Variants in PNPLA4 observed in about 807,000 individuals in gnomAD.
PNPLA4 encodes patatin like domain 4, phospholipase and triacylglycerol lipase, also known as patatin-like phospholipase domain-containing protein 4.
PNPLA4 carries 15 observed loss-of-function variants against 18.3 expected under a neutral mutation model. That is an observed-to-expected ratio of 0.82 (90% CI 0.55 to 1.26). The LOEUF is 1.26. PNPLA4 is among the 50% of genes most tolerant of loss of function. The pLI, the probability that PNPLA4 is intolerant of heterozygous loss-of-function variation, is 0.00. For missense variants in PNPLA4, 229 were observed against 196.8 expected (o/e 1.16, Z -0.98); for synonymous variants, 88 against 85.6 (o/e 1.03, Z -0.16).
chrX:7,903,274 GTTTATTTATTTA>G (rs55848008), intron 5 of PNPLA4, among the ~76,000 whole-genome samples: 372 of 93,026 alleles, frequency 4.0e-3, no homozygotes, highest in Admixed American at 5.7e-3. Context: ...TCCTTCTTGT[GTTTATTTATTTA>G]TTTATTTATT....
At chrX:7,902,745 C>A (rs1178648764) in intron 5 of PNPLA4, among the ~76,000 whole-genome samples, 1 of 111,360 alleles carries the variant, frequency 9.0e-6, no homozygotes, top group Non-Finnish European at 1.9e-5. Context: ...AGAAGCCTCC[C>A]AAGGAAGAAA....
chrX:7,923,225 C>T (rs1924289266), intron 2 of PNPLA4, among the ~76,000 whole-genome samples: 1 of 111,769 alleles, frequency 8.9e-6, no homozygotes, highest in African/African-American at 3.3e-5. Flanking sequence ...GGAGATAATC[C>T]TGGATGACCT....
chrX:7,908,017 G>A (rs1266650457), intron 5 of PNPLA4, among the ~76,000 whole-genome samples: 2 of 110,884 alleles, frequency 1.8e-5, no homozygotes, highest in Admixed American at 9.6e-5. Flanking sequence ...ACTCATACTG[G>A]TATTTGCTGT....
chrX:7,903,359 G>C (rs1923604379), intron 5 of PNPLA4, among the ~76,000 whole-genome samples: 1 of 109,757 alleles, frequency 9.1e-6, no homozygotes, highest in African/African-American at 3.3e-5. Context: ...GAGTGCAGTG[G>C]TGTGATCTCA....
intron 6 of PNPLA4, among the ~76,000 whole-genome samples, chrX:7,901,642 G>A (rs1210516581): frequency 1.8e-5 from 2 of 111,372 alleles, no homozygotes; most frequent in Non-Finnish European, 3.8e-5. Context: ...TAAAAAAGAA[G>A]TGAAGAAAAA....
rs773485903 is a variant in PNPLA4, at chrX:7,921,970, T to C, written c.275+34A>G. 9 of 1,148,799 alleles carry C rather than the reference T, an allele frequency of 7.8e-6. No individual in the cohort carries two copies. In the Admixed American group the frequency reaches 2.0e-4, roughly 25 times the overall value. 94.7% of individuals were successfully genotyped at this position (1,148,799 alleles called of 1,213,427 possible). A position where few individuals can be genotyped will look rare whatever the true frequency, so the allele number is the denominator to read the frequency against. ...ACAGAGAGTCGTCAACATTCTGTCTTCATGTACTTTTGGGCAAAATGTACT... is the reference window on the plus strand; with the variant it reads ...ACAGAGAGTCGTCAACATTCTGTCTCCATGTACTTTTGGGCAAAATGTACT... On this transcript the variant is annotated intron_variant, in intron 3 of 6. Coordinates refer to ENST00000381042, the MANE Select transcript of PNPLA4 (RefSeq NM_004650.3).
chrX:7,913,177 T>C (rs777153727), intron 4 of PNPLA4, among the ~76,000 whole-genome samples: 1 of 112,091 alleles, frequency 8.9e-6, no homozygotes, highest in African/African-American at 3.2e-5. Context: ...CTTCCATAGC[T>C]TTCTTATGCA....
chrX:7,902,071 G>T lies in PNPLA4; in HGVS notation c.548C>A (p.Pro183His), dbSNP rs377193811. The T allele has an allele frequency of 1.6e-4, 193 of 1,207,024 alleles. No homozygotes were observed. Among genetic ancestry groups the T allele is most frequent in the Non-Finnish European group, 2.1e-4 (191 of 893,485 alleles). Reference sequence around the variant, plus strand: ...GGAGATGTCCAGTCGTCCACTGAAGGGGGAGATGGTTACTGTCCGGCCGAC... The same window carrying T: ...GGAGATGTCCAGTCGTCCACTGAAGTGGGAGATGGTTACTGTCCGGCCGAC... ...LPVGRTVTIS[P>H]FSGRLDISPQ... is the part of the protein sequence containing the mutation. Residue 183 changes from proline (P) to histidine (H), a missense_variant, in exon 6 of 7, where the codon CCC (proline) becomes CAC (histidine). Pro to His is a moderately conservative substitution (Grantham distance 77, BLOSUM62 -2). Transcript: ENST00000381042.
At chrX:7,903,270 T>TTGTG (rs1229046724) in intron 5 of PNPLA4, among the ~76,000 whole-genome samples, 3 of 84,410 alleles carry the variant, frequency 3.6e-5, no homozygotes, top group African/African-American at 1.3e-4. Flanking sequence ...CATGTCCTTC[T>TTGTG]TGTGTTTATT....
In PNPLA4 at chrX:7,902,091, G is replaced by A; in HGVS notation, c.528C>T (p.Gly176=). ...LTNALPILPV[G]RTVTISPFSG... The stretch of plus-strand genomic sequence containing the variant: ...TGAAGGGGGAGATGGTTACTGTCCG[G>A]CCGACGGGCAGGATGGGAAGAGCGT... The change falls in exon 6 of 7, where the codon GGC becomes GGT. Residue 176 remains glycine (G), a synonymous_variant. Coordinates refer to ENST00000381042, the MANE Select transcript of PNPLA4 (RefSeq NM_004650.3). The A allele has an allele frequency of 8.3e-7, 1 of 1,208,450 alleles. No individual in the cohort carries two copies. The highest frequency in any genetic ancestry group is 1.1e-6 in the Non-Finnish European group (1 of 893,766).
rs965481673 is a variant in PNPLA4 at position 7,899,665 on chromosome X, G to A, written c.*1021C>T. The A allele has an allele frequency of 1.8e-4, 19 of 103,279 alleles. No individual in the cohort carries two copies. The highest frequency in any genetic ancestry group is 6.7e-4 in the African/African-American group (19 of 28,271). The allele number at this position is 103,279 out of a possible 1,213,427, so 8.5% of individuals were successfully genotyped here. On this transcript the variant is annotated 3_prime_UTR_variant, in exon 7 of 7. Transcript: ENST00000381042. ...AGAGAGAGAGAGAGAGAGAGAGAGA[G>A]AGAGAGAGAGAGAGAATGAATGACA...
At chrX:7,906,699 C>T (rs1242302531) in intron 5 of PNPLA4, among the ~76,000 whole-genome samples, 1 of 112,383 alleles carries the variant, frequency 8.9e-6, no homozygotes, top group Non-Finnish European at 1.9e-5. Context: ...ATGACAGTGA[C>T]AGAGCTGCAT....
At chrX:7,916,774 C>T (rs966851353) in intron 4 of PNPLA4, among the ~76,000 whole-genome samples, 1 of 111,496 alleles carries the variant, frequency 9.0e-6, no homozygotes, top group Non-Finnish European at 1.9e-5. Context: ...AAAGGGTCAT[C>T]CTTGGGGGTA....
At chrX:7,907,797 T>C (rs1923753299) in intron 5 of PNPLA4, among the ~76,000 whole-genome samples, 1 of 109,196 alleles carries the variant, frequency 9.2e-6, no homozygotes, top group Admixed American at 9.8e-5. Flanking sequence ...CATAGCTCAC[T>C]GTAGCCTCAA....
chrX:7,905,778 G>A (rs1400197767), intron 5 of PNPLA4, among the ~76,000 whole-genome samples: 1 of 111,742 alleles, frequency 8.9e-6, no homozygotes, highest in African/African-American at 3.3e-5. Context: ...TAGTTCACGG[G>A]GTGGTAAACT....
At chrX:7,921,878 C>T in intron 3 of PNPLA4, 30 bp from the exon 4 acceptor site, 2 of 1,179,857 alleles carry the variant, frequency 1.7e-6, no homozygotes, top group Non-Finnish European at 2.3e-6. Flanking sequence ...CTGAATTACT[C>T]ACCTTTAATT....
intron 5 of PNPLA4, among the ~76,000 whole-genome samples, chrX:7,903,343 A>AG (rs771039814): frequency 9.1e-6 from 1 of 109,328 alleles, no homozygotes; most frequent in East Asian, 2.9e-4. Context: ...TCTGTCGCCC[A>AG]GGCTGGAGTG....
At position 7,921,972 on chromosome X, in the gene PNPLA4, A is replaced by G. The variant is rs763107380; in HGVS notation, c.275+32T>C. ...AGAGAGTCGTCAACATTCTGTCTTCATGTACTTTTGGGCAAAATGTACTCT... is the reference window on the plus strand; with the variant it reads ...AGAGAGTCGTCAACATTCTGTCTTCGTGTACTTTTGGGCAAAATGTACTCT... On this transcript the variant is annotated intron_variant, in intron 3 of 6. Coordinates refer to ENST00000381042, the MANE Select transcript of PNPLA4 (RefSeq NM_004650.3). 4.3e-6 allele frequency: 5 copies of G among 1,156,549 alleles called. No homozygotes were observed. The East Asian group carries it at 9.0e-5, about 21-fold the overall frequency.
At chrX:7,914,774 T>C (rs986173844) in intron 4 of PNPLA4, among the ~76,000 whole-genome samples, 2 of 111,583 alleles carry the variant, frequency 1.8e-5, no homozygotes, top group Non-Finnish European at 3.8e-5. Flanking sequence ...CAAAGTATAA[T>C]GTAGAGTTCA....
Sources: allele counts gnomAD v4.1 joint callset (sites outside exome capture counted in the v4.1 genomes callset), GRCh38; gene constraint gnomAD v4.1.1; transcripts MANE v1.5; gene names NCBI Gene and HGNC (gene_info 2026-07-23, HGNC 2026-07-21).